The following IQCN variants were observed in gnomAD, a reference collection of about 807,000 sequenced individuals.
IQCN encodes the protein IQ motif containing N.
Under a neutral mutation model 64.4 loss-of-function variants are expected in IQCN, and 46 were observed. The ratio of observed to expected loss-of-function variants is 0.71; its 90% CI spans 0.56 to 0.91. The LOEUF (loss-of-function observed/expected upper bound fraction) is 0.91. Ranked by LOEUF, IQCN falls within the 40% of genes least tolerant of loss-of-function variation. The probability of loss-of-function intolerance (pLI) is 0.00; values close to 1 mark genes in which losing one functional copy is unlikely to be tolerated. For synonymous variants in IQCN, 733 were observed against 775.6 expected, an observed-to-expected ratio of 0.95 and a Z score of 0.91; for missense variants, 1,753 against 1,857.4, an observed-to-expected ratio of 0.94 and a Z score of 1.03.
chr19:18,258,072 G>T lies in IQCN; in HGVS notation c.3212C>A (p.Ser1071Ter), dbSNP rs138479193. 1 of 1,612,026 alleles carries T rather than the reference G, an allele frequency of 6.2e-7. No homozygotes were observed. Among genetic ancestry groups the T allele is most frequent in the Non-Finnish European group, 8.5e-7 (1 of 1,180,004 alleles). The change falls in exon 4 of 4, where the codon TCG becomes TAG. Residue 1071 changes from serine to a stop codon, truncating the protein, a stop_gained. Coordinates refer to ENST00000392413, the MANE Select transcript of IQCN (RefSeq NM_001145304.2). LOFTEE classifies it low-confidence loss of function (END_TRUNC). ...PADAGVVGGQSWNRAWEPARG... is the reference protein window; with the variant it reads ...PADAGVVGGQ ...GGCTGGCTCCCATGCGCGGTTCCAC[G>T]ATTGGCCACCAACCACACCAGCGTC...
chr19:18,257,790 G>T lies in IQCN; in HGVS notation c.3494C>A (p.Thr1165Asn). ...GTAGCCGCGCCAGGCAGACTGGATG[G>T]TCGTGGTGGCTCTGCAGAGGTGTGC... The part of the protein sequence containing the change: ...NLAHLCRATT[T>N]IQSAWRGYST... The change falls in exon 4 of 4, where the codon ACC becomes AAC. Residue 1165 changes from threonine to asparagine, a missense_variant. Physicochemically the swap from Thr to Asn is moderately conservative, Grantham distance 65. Transcript: ENST00000392413. 1.2e-6 allele frequency: 2 copies of T among 1,611,202 alleles called. No homozygotes were observed. The highest frequency in any genetic ancestry group is 2.7e-5 in the African/African-American group (2 of 75,048).
Position 18,257,915 on chromosome 19 carries a change from G to A in IQCN, c.3369C>T (p.Gly1123=), listed in dbSNP as rs370015384. ...RILAVITIQA[G]VRGYLARRRI... ...TGCGACGCGCCAGGTAGCCACGGAC[G>A]CCCGCCTGGATAGTGATCACTGCGA... The change falls in exon 4 of 4, where the codon GGC becomes GGT. Residue 1123 remains glycine, a synonymous_variant. Coordinates refer to ENST00000392413, the MANE Select transcript of IQCN (RefSeq NM_001145304.2). 1.2e-4 allele frequency: 201 copies of A among 1,612,782 alleles called. No homozygotes were observed. The highest frequency in any genetic ancestry group is 1.1e-4 in the Non-Finnish European group (127 of 1,179,926).
intron 3 of IQCN, chr19:18,258,723 G>C: frequency 3.1e-6 from 1 of 318,132 alleles, no homozygotes; most frequent in Non-Finnish European, 6.2e-6. Flanking sequence ...GGCCAGCTGG[G>C]GTGATCCTGA....
chr19:18,268,946 A>T (rs1969670656), intron 2 of IQCN, among the ~76,000 whole-genome samples: 1 of 138,376 alleles, frequency 7.2e-6, no homozygotes, highest in Non-Finnish European at 1.5e-5. Context: ...TGGGTGACAG[A>T]GCAAGACTCT....
At position 18,257,841 on chromosome 19, in the gene IQCN, C is replaced by A; in HGVS notation, c.3443G>T (p.Arg1148Leu). Residue 1148 changes from arginine (R) to leucine (L), a missense_variant, in exon 4 of 4, where the codon CGC becomes CTC. Coordinates refer to ENST00000392413, the MANE Select transcript of IQCN (RefSeq NM_001145304.2). ...CAGGTTCCGCCGCACACGGTAGCCG[C>A]GCCAAGTAGCTTGGATGACCATGGC... ...RGAMVIQATW[R>L]GYRVRRNLAH... 1 of 1,611,680 alleles carries A rather than the reference C, an allele frequency of 6.2e-7. No homozygotes were observed.
intron 1 of IQCN, among the ~76,000 whole-genome samples, 159 bp downstream of exon 1, chr19:18,274,244 C>A (rs975769439): frequency 6.6e-6 from 1 of 151,932 alleles, no homozygotes; most frequent in African/African-American, 2.4e-5. Flanking sequence ...TTGCAGTCAC[C>A]CAGAAGGCCC....
rs1420287938 is a variant in IQCN, at chr19:18,267,242, C to T, written c.298G>A (p.Asp100Asn). The part of the protein sequence containing the change: ...AFKNILVDEM[D>N]MMHARAATLI... ...GTGGCTGCACGGGCGTGCATCATGT[C>T]CATCTCGTCTACCAGGATGTTCTTG... is the stretch of plus-strand genomic sequence containing the variant. The change falls in exon 3 of 4, where the codon GAC becomes AAC. Residue 100 changes from aspartate to asparagine, a missense_variant. Asp to Asn is a conservative substitution (Grantham distance 23, BLOSUM62 1). Coordinates refer to ENST00000392413, the MANE Select transcript of IQCN (RefSeq NM_001145304.2). 6.2e-7 allele frequency: 1 copy of T among 1,614,270 alleles called. No homozygotes were observed.
intron 1 of IQCN, among the ~76,000 whole-genome samples, chr19:18,270,809 T>G: frequency 7.0e-6 from 1 of 143,674 alleles, no homozygotes. Context: ...TAAGCCACGG[T>G]GCCTGGCTGA....
chr19:18,266,567 C>T lies in IQCN; in HGVS notation c.973G>A (p.Ala325Thr). Reference protein sequence around the residue: ...QGPVKAETPKAPFQICPGPMI... With the variant: ...QGPVKAETPKTPFQICPGPMI... ...GGCCCTGGACATATCTGGAAGGGGGCTTTGGGGGTCTCTGCTTTCACAGGG... is the reference window on the plus strand; with the variant it reads ...GGCCCTGGACATATCTGGAAGGGGGTTTTGGGGGTCTCTGCTTTCACAGGG... The change falls in exon 3 of 4, where the codon GCC (alanine) becomes ACC (threonine). Residue 325 changes from alanine to threonine, a missense_variant. By Grantham distance (58) the Ala-to-Thr change is moderately conservative. Coordinates refer to ENST00000392413, the MANE Select transcript of IQCN (RefSeq NM_001145304.2). The surrounding 1 kb of genome is among the most constrained non-coding windows in gnomAD (Gnocchi z 4.3). The T allele has an allele frequency of 1.9e-6, 3 of 1,613,180 alleles. No homozygotes were observed. The highest frequency in any genetic ancestry group is 2.5e-6 in the Non-Finnish European group (3 of 1,179,546).
chr19:18,266,313 G>A lies in IQCN; in HGVS notation c.1227C>T (p.Ala409=), dbSNP rs1219327133. The A allele has an allele frequency of 6.2e-7, 1 of 1,613,638 alleles. No homozygotes were observed. Among genetic ancestry groups the A allele is most frequent in the Non-Finnish European group, 8.5e-7 (1 of 1,179,824 alleles). ...TMTKIQVHPT[A]SRTGTPRQTC... The stretch of plus-strand genomic sequence containing the variant: ...TCTGCCGTGGGGTGCCAGTTCTGGA[G>A]GCTGTGGGGTGTACCTGGATCTTGG... The change falls in exon 3 of 4, where the codon GCC becomes GCT. Residue 409 remains alanine, a synonymous_variant. Coordinates refer to ENST00000392413, the MANE Select transcript of IQCN (RefSeq NM_001145304.2). This position sits in a 1 kb window ranked among gnomAD's most constrained non-coding sequence, Gnocchi z 4.3.
In IQCN at chr19:18,257,501, G is replaced by C; in HGVS notation, c.3783C>G (p.Arg1261=). 6.2e-7 allele frequency: 1 copy of C among 1,609,952 alleles called. No homozygotes were observed. Among genetic ancestry groups the C allele is most frequent in the Admixed American group, 1.7e-5 (1 of 59,786 alleles). Reference sequence around the variant, plus strand: ...CCTGCACCACACGGGTGGGCTGTGTGCGTCCACAGGTATGACAGGTGCGAG... The same window carrying C: ...CCTGCACCACACGGGTGGGCTGTGTCCGTCCACAGGTATGACAGGTGCGAG... ...SSPRTCHTCG[R]TQPTRVVQGM... The change falls in exon 4 of 4, where the codon CGC becomes CGG. Residue 1261 remains arginine (R), a synonymous_variant. Transcript: ENST00000392413.
At position 18,273,883 on chromosome 19, in the gene IQCN, G is replaced by A. The variant is rs79294941; in HGVS notation, c.-110+520C>T. Among the ~76,000 whole-genome samples the A allele has an allele frequency of 7.4e-3, 1,133 of 152,242 alleles. 9 individuals are homozygous for A. The highest frequency in any genetic ancestry group is 0.013 in the Non-Finnish European group (886 of 68,006). ...GGCCCCCTGGACACAGAAGCCAAGC[G>A]ACTGGCTCGGTAATTTTGAGTAAAC... On this transcript the variant is annotated intron_variant, in intron 1 of 3. Transcript: ENST00000392413.
At position 18,266,284 on chromosome 19, in the gene IQCN, C is replaced by CATG. The variant is rs1328384595; in HGVS notation, c.1253_1255dup (p.Thr418_Cys419insSer). 10 of 1,613,136 alleles carry CATG rather than the reference C, an allele frequency of 6.2e-6. No homozygotes were observed. The highest frequency in any genetic ancestry group is 7.6e-6 in the Non-Finnish European group (9 of 1,179,626). ...GTTCTTTGCCGTGATGGTCGCAGGG[C>CATG]ATGTCTGCCGTGGGGTGCCAGTTCT... On this transcript the variant is annotated inframe_insertion, in exon 3 of 4. Coordinates refer to ENST00000392413, the MANE Select transcript of IQCN (RefSeq NM_001145304.2). This position sits in a 1 kb window ranked among gnomAD's most constrained non-coding sequence, Gnocchi z 4.3.
intron 1 of IQCN, among the ~76,000 whole-genome samples, chr19:18,271,291 G>A (rs1349938479): frequency 6.6e-6 from 1 of 151,788 alleles, no homozygotes; most frequent in Non-Finnish European, 1.5e-5. Context: ...CCAACATGGT[G>A]AAACTCTGTC....
At chr19:18,271,289 G>A (rs1219782359) in intron 1 of IQCN, among the ~76,000 whole-genome samples, 3 of 151,928 alleles carry the variant, frequency 2.0e-5, no homozygotes, top group South Asian at 4.2e-4. Flanking sequence ...GGCCAACATG[G>A]TGAAACTCTG....
In IQCN at chr19:18,266,173, T is replaced by C; in HGVS notation, c.1367A>G (p.Gln456Arg). 1 of 1,614,090 alleles carries C rather than the reference T, an allele frequency of 6.2e-7. No homozygotes were observed. Among genetic ancestry groups the C allele is most frequent in the Non-Finnish European group, 8.5e-7 (1 of 1,180,010 alleles). The change falls in exon 3 of 4, where the codon CAG (glutamine) becomes CGG (arginine). Residue 456 changes from glutamine to arginine, a missense_variant. By Grantham distance (43) the Gln-to-Arg change is conservative. Transcript: ENST00000392413. The surrounding 1 kb of genome is among the most constrained non-coding windows in gnomAD (Gnocchi z 4.3). Reference sequence around the variant, plus strand: ...GGCTGGGGTGGTGACCGGGTGCATCTGGGGTGGGGTCTTTGCCATCGCAGG... The same window carrying C: ...GGCTGGGGTGGTGACCGGGTGCATCCGGGGTGGGGTCTTTGCCATCGCAGG... ...PGPAMAKTPP[Q>R]MHPVTTPAKN...
At position 18,267,282 on chromosome 19, in the gene IQCN, G is replaced by A. The variant is rs200142797; in HGVS notation, c.258C>T (p.Val86=). 1.1e-4 allele frequency: 174 copies of A among 1,614,146 alleles called. No individual in the cohort carries two copies. Among genetic ancestry groups the A allele is most frequent in the Non-Finnish European group, 1.4e-4 (166 of 1,180,066 alleles). ...GGATGTTCTTGAAGGCCTGGCTCTC[G>A]ACCACAGCCCGGAGGCGTGGGACGC... ...SRRVPRLRAV[V]ESQAFKNILV... The change falls in exon 3 of 4, where the codon GTC becomes GTT. Residue 86 remains valine, a synonymous_variant. Transcript: ENST00000392413.
At position 18,268,172 on chromosome 19, in the gene IQCN, C is replaced by CTGTG. The variant is rs1491254626; in HGVS notation, c.14-647_14-646insCACA. Among the ~76,000 whole-genome samples the CTGTG allele has an allele frequency of 2.5e-4, 21 of 85,532 alleles. No individual in the cohort carries two copies. The South Asian group carries it at 6.2e-3, about 25-fold the overall frequency. The allele number at this position is 85,532 out of a possible 152,430, so 56.1% of individuals were successfully genotyped here. On this transcript the variant is annotated intron_variant, in intron 2 of 3. Transcript: ENST00000392413. ...AATGTTTTGGAAATTTCCTGTTTGC[C>CTGTG]TCTGTGTGTGTGTGTGTGTGTGTGT...
intron 3 of IQCN, 21 bp from the exon 4 acceptor site, chr19:18,258,127 G>C: frequency 3.1e-6 from 5 of 1,604,902 alleles, no homozygotes; most frequent in Non-Finnish European, 4.2e-6. Context: ...GTGGAGTTCA[G>C]GGATGCCTTG....
Sources: gnomAD v4.1 joint callset for allele counts (sites outside exome capture counted in the v4.1 genomes callset) on GRCh38, gnomAD v4.1.1 for gene constraint, Gnocchi (gnomAD v3.1) non-coding constraint, MANE v1.5 for transcripts, NCBI Gene and HGNC (gene_info 2026-07-23, HGNC 2026-07-21) for gene names.